The following ZSWIM9 variants were observed in gnomAD, a reference collection of about 807,000 sequenced individuals.
ZSWIM9 encodes the protein uncharacterized protein ZSWIM9.
Under a neutral mutation model 25.0 loss-of-function variants are expected in ZSWIM9, and 11 were observed. The observed-to-expected ratio is 0.44, with a 90% CI of 0.28 to 0.73. The LOEUF is 0.73. Among genes scored for constraint, ZSWIM9 ranks in the 30% least tolerant of loss-of-function variants. The pLI is 0.16. For missense variants in ZSWIM9, 1,070 were observed against 1,296.5 expected, an observed-to-expected ratio of 0.83 and a Z score of 2.68; for synonymous variants, 562 against 582.1, an observed-to-expected ratio of 0.97 and a Z score of 0.50.
intron 2 of ZSWIM9, among the ~76,000 whole-genome samples, chr19:48,178,853 C>T (rs544427698): frequency 6.6e-6 from 1 of 152,168 alleles, no homozygotes; most frequent in East Asian, 1.9e-4. Context: ...GAATTACAGG[C>T]GTCAGCCACC....
In ZSWIM9 at chr19:48,182,387, AGGTG is replaced by A; in HGVS notation, c.276-67_276-64del. On this transcript the variant is annotated intron_variant, in intron 2 of 3. Coordinates refer to ENST00000614654, the MANE Select transcript of ZSWIM9 (RefSeq NM_199341.4). This position sits in a 1 kb window ranked among gnomAD's most constrained non-coding sequence, Gnocchi z 4.6. ...AATTCTTAGTTTAAAAAAAAAAAAA[AGGTG>A]AGTGGAAAGGAAGAAGAGGGCAGCA... 2 of 1,236,890 alleles carry A rather than the reference AGGTG, an allele frequency of 1.6e-6. No homozygotes were observed. The highest frequency in any genetic ancestry group is 2.8e-5 in the Admixed American group (1 of 35,814). The allele number at this position is 1,236,890 out of a possible 1,614,324, so 76.6% of individuals were successfully genotyped here. A position where few individuals can be genotyped will look rare whatever the true frequency, so the allele number is the denominator to read the frequency against.
At chr19:48,188,822 G>A (rs1299925644) in intron 3 of ZSWIM9, among the ~76,000 whole-genome samples, 2 of 151,974 alleles carry the variant, frequency 1.3e-5, no homozygotes, top group Non-Finnish European at 2.9e-5. Context: ...ACGAGGTCAG[G>A]AGATCGAGAC....
rs878871152 is a variant in ZSWIM9 at position 48,197,322 on chromosome 19, C to A, written c.*495C>A. On this transcript the variant is annotated 3_prime_UTR_variant, in exon 4 of 4. Coordinates refer to ENST00000614654, the MANE Select transcript of ZSWIM9 (RefSeq NM_199341.4). The stretch of plus-strand genomic sequence containing the variant: ...CCGGAAATGGAGGAGAGAGGACAAG[C>A]AAAGAGACAGAAATGAAGACATGAG... 1.6e-5 allele frequency: 11 copies of A among 699,772 alleles called. No individual in the cohort carries two copies. The highest frequency in any genetic ancestry group is 1.2e-4 in the South Asian group (8 of 67,292). 43.3% of individuals were successfully genotyped at this position (699,772 alleles called of 1,614,324 possible).
In ZSWIM9 at chr19:48,195,558, G is replaced by A; in HGVS notation, c.1494G>A (p.Arg498=). 2 of 1,417,226 alleles carry A rather than the reference G, an allele frequency of 1.4e-6. No homozygotes were observed. Among genetic ancestry groups the A allele is most frequent in the South Asian group, 3.1e-5 (2 of 65,512 alleles). 87.8% of individuals were successfully genotyped at this position (1,417,226 alleles called of 1,614,324 possible). Residue 498 remains arginine, a synonymous_variant, in exon 4 of 4, where the codon AGG becomes AGA. Transcript: ENST00000614654. The surrounding 1 kb of genome is among the most constrained non-coding windows in gnomAD (Gnocchi z 5.8). Reference sequence around the variant, plus strand: ...CCCAGATGGAGAAGGAGTGGGCAAGGGCACTGGAAACCAGAGACTGGGGCG... The same window carrying A: ...CCCAGATGGAGAAGGAGTGGGCAAGAGCACTGGAAACCAGAGACTGGGGCG... ...RGAQMEKEWA[R]ALETRDWGGA...
At chr19:48,171,137 C>A (rs1341742315) in intron 1 of ZSWIM9, 1 of 688,016 alleles carries the variant, frequency 1.5e-6, no homozygotes, top group Non-Finnish European at 1.8e-6. Context: ...ATGAGAGTGT[C>A]TCAGGGAAGC....
chr19:48,176,138 G>A (rs274872), intron 2 of ZSWIM9, among the ~76,000 whole-genome samples: 92,276 of 151,990 alleles, frequency 0.61, 29,211 homozygotes, highest in East Asian at 0.87. Flanking sequence ...CCCAGGAGGC[G>A]AAGGTTGCAG....
chr19:48,196,708 A>G lies in ZSWIM9; in HGVS notation c.2644A>G (p.Ile882Val), dbSNP rs1027675861. ...GGCCCTGACACGCTGCAGCTGCTCAATTCACGCCGCCCGCCGTCTGCCCTG... is the reference window on the plus strand; with the variant it reads ...GGCCCTGACACGCTGCAGCTGCTCAGTTCACGCCGCCCGCCGTCTGCCCTG... ...DGALTRCSCS[I>V]HAARRLPCRH... is the part of the protein sequence containing the mutation. Residue 882 changes from isoleucine (I) to valine (V), a missense_variant, in exon 4 of 4, where the codon ATT becomes GTT. Physicochemically the swap from Ile to Val is conservative, Grantham distance 29 (BLOSUM62 3). Transcript: ENST00000614654. 8 of 1,232,900 alleles carry G rather than the reference A, an allele frequency of 6.5e-6. No homozygotes were observed. The highest frequency in any genetic ancestry group is 7.1e-6 in the Non-Finnish European group (7 of 988,642). The allele number at this position is 1,232,900 out of a possible 1,614,324, so 76.4% of individuals were successfully genotyped here.
intron 3 of ZSWIM9, among the ~76,000 whole-genome samples, chr19:48,185,634 C>A (rs1487623990): frequency 6.6e-6 from 1 of 152,202 alleles, no homozygotes; most frequent in Non-Finnish European, 1.5e-5. Flanking sequence ...TAAATCATAT[C>A]TCGCTTTCTA....
chr19:48,171,085 A>T, intron 1 of ZSWIM9: 1 of 262,922 alleles, frequency 3.8e-6, no homozygotes, highest in Non-Finnish European at 5.9e-6. Flanking sequence ...ACACACCTGT[A>T]GGCGAAGCGT....
chr19:48,172,050 T>C lies in ZSWIM9; in HGVS notation c.248T>C (p.Val83Ala). ...YSYVRLVCKD[V>A]RAPSRPAVGP... Reference sequence around the variant, plus strand: ...TACGTGCGGCTTGTGTGCAAGGACGTGCGTGCGCCCAGCCGGCCCGCCGTG... The same window carrying C: ...TACGTGCGGCTTGTGTGCAAGGACGCGCGTGCGCCCAGCCGGCCCGCCGTG... The change falls in exon 2 of 4, where the codon GTG (valine) becomes GCG (alanine). Residue 83 changes from valine to alanine, a missense_variant. Val to Ala is a moderately conservative substitution (Grantham distance 64). Transcript: ENST00000614654. 3 of 1,423,590 alleles carry C rather than the reference T, an allele frequency of 2.1e-6. No homozygotes were observed. The highest frequency in any genetic ancestry group is 1.2e-5 in the South Asian group (1 of 82,444). The allele number at this position is 1,423,590 out of a possible 1,614,324, so 88.2% of individuals were successfully genotyped here.
At chr19:48,193,993 T>G (rs1433508272) in intron 3 of ZSWIM9, among the ~76,000 whole-genome samples, 1 of 152,022 alleles carries the variant, frequency 6.6e-6, no homozygotes, top group Non-Finnish European at 1.5e-5. Context: ...GAATGTTCAG[T>G]GCCTAGAAGG....
chr19:48,195,435 G>C lies in ZSWIM9; in HGVS notation c.1371G>C (p.Glu457Asp). Residue 457 changes from glutamate (E) to aspartate (D), a missense_variant, in exon 4 of 4, where the codon GAG becomes GAC. Glu to Asp is a conservative substitution (Grantham distance 45). This residue lies in a region of ZSWIM9 where 583 missense variants were observed against 624.7 expected (regional missense o/e 0.93). Coordinates refer to ENST00000614654, the MANE Select transcript of ZSWIM9 (RefSeq NM_199341.4). This position sits in a 1 kb window ranked among gnomAD's most constrained non-coding sequence, Gnocchi z 5.8. ...GCGGGGGGCCTTGGCTGGAGGATGA[G>C]CCAGGGAGGGGAGCCCAGGGGGAGA... ...PDGGGPWLEDEPGRGAQGENE... is the reference protein window; with the variant it reads ...PDGGGPWLEDDPGRGAQGENE... 6.9e-7 allele frequency: 1 copy of C among 1,442,220 alleles called. No individual in the cohort carries two copies. Among genetic ancestry groups the C allele is most frequent in the Non-Finnish European group, 9.0e-7 (1 of 1,106,290 alleles). 89.3% of individuals were successfully genotyped at this position (1,442,220 alleles called of 1,614,324 possible).
In ZSWIM9 at chr19:48,197,269, G is replaced by A. The variant is rs1409732430; in HGVS notation, c.*442G>A. ...TACAGAAGACAGATGAAGGAGAGGA[G>A]GTAAGCGAGAAAAAATGGAAAGGGG... On this transcript the variant is annotated 3_prime_UTR_variant, in exon 4 of 4. Coordinates refer to ENST00000614654, the MANE Select transcript of ZSWIM9 (RefSeq NM_199341.4). 2 of 700,694 alleles carry A rather than the reference G, an allele frequency of 2.9e-6. No individual in the cohort carries two copies. The highest frequency in any genetic ancestry group is 1.5e-5 in the South Asian group (1 of 67,420). The allele number at this position is 700,694 out of a possible 1,614,324, so 43.4% of individuals were successfully genotyped here.
intron 3 of ZSWIM9, among the ~76,000 whole-genome samples, chr19:48,183,408 A>T (rs919982490): frequency 5.9e-5 from 9 of 151,850 alleles, no homozygotes; most frequent in Admixed American, 4.6e-4. Flanking sequence ...ATTACAGGCG[A>T]GAGCCACCAC....
At chr19:48,192,976 CAT>C (rs1371115146) in intron 3 of ZSWIM9, 24 of 155,162 alleles carry the variant, frequency 1.5e-4, no homozygotes, top group Admixed American at 6.5e-5. Context: ...CCAGCAATGA[CAT>C]GTGACAACAA....
Position 48,195,754 on chromosome 19 carries a change from T to C in ZSWIM9, c.1690T>C (p.Leu564=). Residue 564 remains leucine (L), a synonymous_variant, in exon 4 of 4, where the codon TTG becomes CTG. Coordinates refer to ENST00000614654, the MANE Select transcript of ZSWIM9 (RefSeq NM_199341.4). The surrounding 1 kb of genome is among the most constrained non-coding windows in gnomAD (Gnocchi z 5.8). The part of the protein sequence containing the change: ...PEIRDWRGPQ[L]EGEKDWGLEG... ...GATTAGAGACTGGAGGGGGCCCCAG[T>C]TGGAGGGTGAGAAAGATTGGGGACT... 6.8e-7 allele frequency: 1 copy of C among 1,477,708 alleles called. No homozygotes were observed. Among genetic ancestry groups the C allele is most frequent in the Non-Finnish European group, 8.9e-7 (1 of 1,122,180 alleles). The allele number at this position is 1,477,708 out of a possible 1,614,324, so 91.5% of individuals were successfully genotyped here. A position where few individuals can be genotyped will look rare whatever the true frequency, so the allele number is the denominator to read the frequency against.
intron 3 of ZSWIM9, among the ~76,000 whole-genome samples, chr19:48,187,510 ATTAT>A (rs2037035865): frequency 1.2e-5 from 1 of 81,052 alleles, no homozygotes; most frequent in Non-Finnish European, 2.2e-5. Context: ...ATTATATTAT[ATTAT>A]ATATATTATA....
intron 3 of ZSWIM9, chr19:48,187,530 T>C (rs1160840452): frequency 2.5e-5 from 2 of 80,516 alleles, no homozygotes; most frequent in Non-Finnish European, 4.5e-5. Flanking sequence ...TTATATATTA[T>C]ATTATTATTA....
At position 48,192,319 on chromosome 19, in the gene ZSWIM9, G is replaced by A. The variant is rs549344609; in HGVS notation, c.589-2334G>A. ...ACAAAAATTAGCCAGGCGTGGTGGCGGGCACCTGTAATCCCAACTACTTGG... is the reference window on the plus strand; with the variant it reads ...ACAAAAATTAGCCAGGCGTGGTGGCAGGCACCTGTAATCCCAACTACTTGG... On this transcript the variant is annotated intron_variant, in intron 3 of 3. Coordinates refer to ENST00000614654, the MANE Select transcript of ZSWIM9 (RefSeq NM_199341.4). Among the ~76,000 whole-genome samples, 55 of 149,366 alleles carry A rather than the reference G, an allele frequency of 3.7e-4. No homozygotes were observed. In the South Asian group the frequency reaches 6.5e-3, roughly 18 times the overall value.
Sources: gnomAD v4.1 joint callset for allele counts (sites outside exome capture counted in the v4.1 genomes callset) on GRCh38, gnomAD v4.1.1 for gene constraint, gnomAD v4.1.1 regional missense constraint, Gnocchi (gnomAD v3.1) non-coding constraint, MANE v1.5 for transcripts, NCBI Gene and HGNC (gene_info 2026-07-23, HGNC 2026-07-21) for gene names.